Variants in NUDCD1 observed in about 807,000 individuals in gnomAD.
NUDCD1 encodes the protein nudC domain-containing protein 1.
A neutral mutation model predicts 67.8 loss-of-function variants in NUDCD1; 60 were observed. That is an observed-to-expected ratio of 0.88 (90% CI 0.72 to 1.10). The LOEUF is 1.10. Among genes scored for constraint, NUDCD1 ranks in the 50% least tolerant of loss-of-function variants. The pLI, the probability that NUDCD1 is intolerant of heterozygous loss-of-function variation, is 0.00. For synonymous variants in NUDCD1, 244 were observed against 230.8 expected (o/e 1.06, Z -0.52); for missense variants, 643 against 695.0 (o/e 0.93, Z 0.84).
In NUDCD1 at chr8:109,245,349, C is replaced by T; in HGVS notation, c.1432G>A (p.Glu478Lys). ...PHSSKQDDMW[E>K]HIATFNALGY... is the part of the protein sequence containing the mutation. ...AAAGCATTGAAAGTTGCGATGTGCT[C>T]CCACATATCATCTTGTTTGCTGGAG... is the stretch of plus-strand genomic sequence containing the variant. Residue 478 changes from glutamate (E) to lysine (K), a missense_variant, in exon 9 of 10, where the codon GAG becomes AAG. Glu to Lys is a moderately conservative substitution (Grantham distance 56). Coordinates refer to ENST00000239690, the MANE Select transcript of NUDCD1 (RefSeq NM_032869.4). 1 of 1,613,724 alleles carries T rather than the reference C, an allele frequency of 6.2e-7. No homozygotes were observed. Among genetic ancestry groups the T allele is most frequent in the South Asian group, 1.1e-5 (1 of 91,010 alleles).
intron 6 of NUDCD1, 116 bp downstream of exon 6, chr8:109,280,852 T>C: frequency 2.0e-6 from 1 of 502,326 alleles, no homozygotes. Flanking sequence ...TTAAGAAAAG[T>C]AACCAGCAAT....
intron 1 of NUDCD1, among the ~76,000 whole-genome samples, chr8:109,326,046 A>G (rs1815674494): frequency 6.6e-6 from 1 of 152,228 alleles, no homozygotes; most frequent in Non-Finnish European, 1.5e-5. Context: ...ATGAAACTCG[A>G]TACTGCAGGA....
At chr8:109,291,379 A>T (rs1814707878) in intron 4 of NUDCD1, among the ~76,000 whole-genome samples, 2 of 152,134 alleles carry the variant, frequency 1.3e-5, no homozygotes, top group Non-Finnish European at 2.9e-5. Flanking sequence ...TCCTGGGCTC[A>T]AGTGATCCTC....
chr8:109,322,767 CAG>C (rs145462229), intron 1 of NUDCD1, among the ~76,000 whole-genome samples: 4,183 of 152,106 alleles, frequency 0.028, 171 homozygotes, highest in African/African-American at 0.095. Context: ...ATAAAAATAA[CAG>C]AAATTCTAAA....
At chr8:109,269,639 T>C (rs1814093538) in intron 8 of NUDCD1, among the ~76,000 whole-genome samples, 1 of 152,046 alleles carries the variant, frequency 6.6e-6, no homozygotes, top group Admixed American at 6.6e-5. Flanking sequence ...TTGGCAGACA[T>C]TTTTCAGGTT....
At chr8:109,265,157 T>C (rs1175560212) in intron 8 of NUDCD1, among the ~76,000 whole-genome samples, 3 of 152,078 alleles carry the variant, frequency 2.0e-5, no homozygotes, top group African/African-American at 7.2e-5. Context: ...CTAACATTAA[T>C]TTTAATTACA....
intron 8 of NUDCD1, among the ~76,000 whole-genome samples, chr8:109,257,260 A>C (rs1813761335): frequency 1.3e-5 from 2 of 152,170 alleles, no homozygotes; most frequent in Non-Finnish European, 1.5e-5. Flanking sequence ...GAGTATCTAC[A>C]ATAAAGTAAC....
chr8:109,276,377 G>C (rs1281414026), intron 6 of NUDCD1, among the ~76,000 whole-genome samples: 1 of 152,132 alleles, frequency 6.6e-6, no homozygotes, highest in Non-Finnish European at 1.5e-5. Flanking sequence ...CCACAACAAA[G>C]CAACCTTTTC....
intron 5 of NUDCD1, among the ~76,000 whole-genome samples, chr8:109,287,779 A>C (rs1445719428): frequency 1.3e-5 from 2 of 152,178 alleles, no homozygotes; most frequent in East Asian, 3.8e-4. Context: ...TGAATATAAA[A>C]TAGAAGTTGA....
chr8:109,258,106 T>C (rs1813779967), intron 8 of NUDCD1, among the ~76,000 whole-genome samples: 1 of 152,164 alleles, frequency 6.6e-6, no homozygotes, highest in Non-Finnish European at 1.5e-5. Flanking sequence ...AAGATGACTT[T>C]GTGTTTCCCT....
intron 4 of NUDCD1, among the ~76,000 whole-genome samples, chr8:109,291,543 A>G (rs1814712254): frequency 6.6e-6 from 1 of 152,222 alleles, no homozygotes; most frequent in South Asian, 2.1e-4. Flanking sequence ...GACCATAAAT[A>G]TACTTTATGA....
rs117009162 is a variant in NUDCD1, at chr8:109,270,809, A to T, written c.1299+196T>A. Among the ~76,000 whole-genome samples, 74 of 152,314 alleles carry T rather than the reference A, an allele frequency of 4.9e-4. 1 individual carries two copies. In the East Asian group the frequency reaches 0.013, roughly 27 times the overall value. On this transcript the variant is annotated intron_variant, in intron 8 of 9. Coordinates refer to ENST00000239690, the MANE Select transcript of NUDCD1 (RefSeq NM_032869.4). ...AGAAAAGCACCACTTGAAAGATATC[A>T]ATATACAGTGGTACCAAAACTATAC...
At chr8:109,294,505 T>C (rs148802129) in intron 3 of NUDCD1, among the ~76,000 whole-genome samples, 1 of 152,220 alleles carries the variant, frequency 6.6e-6, no homozygotes, top group East Asian at 1.9e-4. Flanking sequence ...GTTTTGCTTT[T>C]GTTTGAGGAA....
At chr8:109,266,392 A>ATTTTTTTTTT (rs71305931) in intron 8 of NUDCD1, among the ~76,000 whole-genome samples, 36 of 87,492 alleles carry the variant, frequency 4.1e-4, no homozygotes, top group Admixed American at 4.4e-4. Context: ...TGCCCGGCTA[A>ATTTTTTTTTT]TTTTTTTTTT....
intron 2 of NUDCD1, among the ~76,000 whole-genome samples, chr8:109,306,641 C>T (rs921830097): frequency 1.4e-5 from 2 of 145,598 alleles, no homozygotes; most frequent in African/African-American, 2.5e-5. Context: ...ACCCCCCCCA[C>T]CCCCGGACCC....
At chr8:109,320,671 G>C (rs1169522138) in intron 2 of NUDCD1, among the ~76,000 whole-genome samples, 1 of 152,214 alleles carries the variant, frequency 6.6e-6, no homozygotes, top group South Asian at 2.1e-4. Flanking sequence ...CAAGGGTACT[G>C]ATTGGGGAAG....
At chr8:109,258,142 T>G (rs1813781205) in intron 8 of NUDCD1, among the ~76,000 whole-genome samples, 1 of 152,158 alleles carries the variant, frequency 6.6e-6, no homozygotes, top group South Asian at 2.1e-4. Context: ...GTTTACTTCA[T>G]GTTTATCATC....
At chr8:109,287,251 A>G (rs1264192743) in intron 5 of NUDCD1, among the ~76,000 whole-genome samples, 2 of 152,212 alleles carry the variant, frequency 1.3e-5, no homozygotes, top group Non-Finnish European at 2.9e-5. Context: ...AACTTAAAAC[A>G]GAACTACAAT....
At chr8:109,272,190 A>T (rs1201631272) in intron 7 of NUDCD1, among the ~76,000 whole-genome samples, 1 of 152,094 alleles carries the variant, frequency 6.6e-6, no homozygotes, top group Non-Finnish European at 1.5e-5. Flanking sequence ...AGAATTACTG[A>T]CTATAGCTAA....
Sources: gnomAD v4.1 joint callset for allele counts (sites outside exome capture counted in the v4.1 genomes callset) on GRCh38, gnomAD v4.1.1 for gene constraint, MANE v1.5 for transcripts, NCBI Gene and HGNC (gene_info 2026-07-23, HGNC 2026-07-21) for gene names.